EHBP1L1: variants seen among roughly 807,000 people sequenced by gnomAD.
EHBP1L1 encodes the protein EH domain binding protein 1 like 1.
EHBP1L1 carries 122 observed loss-of-function variants against 151.1 expected under a neutral mutation model. The ratio of observed to expected loss-of-function variants is 0.81; its 90% confidence interval spans 0.70 to 0.94. The LOEUF is 0.94. Among genes scored for constraint, EHBP1L1 ranks in the 40% least tolerant of loss-of-function variants. The pLI is 0.00. For synonymous variants in EHBP1L1, 878 were observed against 810.1 expected (o/e 1.08, Z -1.42); for missense variants, 1,941 against 1,959.8 (o/e 0.99, Z 0.18).
In EHBP1L1 at chr11:65,583,050, C is replaced by A; in HGVS notation, c.2378C>A (p.Thr793Lys). 2 of 1,612,804 alleles carry A rather than the reference C, an allele frequency of 1.2e-6. No individual in the cohort carries two copies. The highest frequency in any genetic ancestry group is 1.7e-6 in the Non-Finnish European group (2 of 1,179,506). The part of the protein sequence containing the change: ...DSGVPGLEAD[T>K]TGIQVKEVGG... The stretch of plus-strand genomic sequence containing the variant: ...GGGGTCCCAGGGTTAGAAGCTGATA[C>A]AACAGGGATCCAGGTGAAAGAGGTT... Residue 793 changes from threonine (T) to lysine (K), a missense_variant, in exon 9 of 19, where the codon ACA becomes AAA. Coordinates refer to ENST00000309295, the MANE Select transcript of EHBP1L1 (RefSeq NM_001099409.3).
At chr11:65,586,705 C>T (rs1261978696) in intron 12 of EHBP1L1, among the ~76,000 whole-genome samples, 1 of 152,168 alleles carries the variant, frequency 6.6e-6, no homozygotes, top group Non-Finnish European at 1.5e-5. Context: ...AAGCATTGAG[C>T]CTGTGAGTGA....
chr11:65,587,298 C>T (rs111956644), intron 12 of EHBP1L1, among the ~76,000 whole-genome samples: 3 of 151,470 alleles, frequency 2.0e-5, no homozygotes, highest in South Asian at 2.1e-4. Flanking sequence ...GTTTGAACCC[C>T]GGAGGCGGAG....
chr11:65,579,561 T>G, intron 3 of EHBP1L1, 125 bp downstream of exon 3: 13 of 584,686 alleles, frequency 2.2e-5, no homozygotes, highest in East Asian at 4.5e-5. Context: ...AGGCCAAGAA[T>G]TAGGGGGGCC....
intron 1 of EHBP1L1, 143 bp from the exon 2 acceptor site, chr11:65,578,935 C>T: frequency 1.2e-6 from 1 of 810,938 alleles, no homozygotes; most frequent in Non-Finnish European, 2.0e-6. Flanking sequence ...TAAGGGGCTG[C>T]CCAGGCCCTC....
At chr11:65,584,146 G>C in intron 9 of EHBP1L1, 95 bp from the exon 10 acceptor site, 2 of 1,530,082 alleles carry the variant, frequency 1.3e-6, no homozygotes, top group Non-Finnish European at 1.7e-6. Context: ...CAAGCTCAGA[G>C]ATGGGGCTGT....
At chr11:65,591,899 A>C (rs1194797012) in intron 17 of EHBP1L1, 26 bp downstream of exon 17, 3 of 1,604,614 alleles carry the variant, frequency 1.9e-6, no homozygotes, top group South Asian at 2.2e-5. Flanking sequence ...AGGGGCCGGG[A>C]GGCAAGACAG....
chr11:65,583,298 G>T lies in EHBP1L1; in HGVS notation c.2626G>T (p.Ala876Ser), dbSNP rs1449154975. ...TRKTEIIVPE[A>S]EKEEAQTSGV... Reference sequence around the variant, plus strand: ...TAAGACAGAAATTATAGTTCCAGAGGCTGAGAAGGAAGAGGCTCAGACTTC... The same window carrying T: ...TAAGACAGAAATTATAGTTCCAGAGTCTGAGAAGGAAGAGGCTCAGACTTC... The change falls in exon 9 of 19, where the codon GCT (alanine) becomes TCT (serine). Residue 876 changes from alanine to serine, a missense_variant. Physicochemically the swap from Ala to Ser is moderately conservative, Grantham distance 99. Transcript: ENST00000309295. The T allele has an allele frequency of 1.3e-5, 21 of 1,613,594 alleles. No homozygotes were observed. Among genetic ancestry groups the T allele is most frequent in the Non-Finnish European group, 1.8e-5 (21 of 1,179,834 alleles).
At chr11:65,581,002 T>G in intron 6 of EHBP1L1, 56 bp from the exon 7 acceptor site, 2 of 1,547,354 alleles carry the variant, frequency 1.3e-6, no homozygotes, top group Non-Finnish European at 1.7e-6. Flanking sequence ...GGGTCAGGCC[T>G]GTGGGGCCCT....
intron 1 of EHBP1L1, among the ~76,000 whole-genome samples, 169 bp from the exon 2 acceptor site, chr11:65,578,909 A>C (rs1857447008): frequency 6.6e-6 from 1 of 152,016 alleles, no homozygotes; most frequent in Non-Finnish European, 1.5e-5. Flanking sequence ...TCCACCCTGC[A>C]CCCTGTGGCC....
chr11:65,590,382 T>C, intron 15 of EHBP1L1, 111 bp from the exon 16 acceptor site: 1 of 1,501,586 alleles, frequency 6.7e-7, no homozygotes, highest in Non-Finnish European at 9.0e-7. Context: ...AGGCACACAG[T>C]TCTGGCTTCT....
At chr11:65,588,650 G>T (rs1028969154) in intron 12 of EHBP1L1, among the ~76,000 whole-genome samples, 6 of 152,212 alleles carry the variant, frequency 3.9e-5, no homozygotes, top group Non-Finnish European at 7.3e-5. Flanking sequence ...ACCCAGATGT[G>T]GGGGGCCAGG....
intron 3 of EHBP1L1, among the ~76,000 whole-genome samples, 193 bp downstream of exon 3, chr11:65,579,629 A>C (rs574265702): frequency 2.6e-4 from 39 of 152,066 alleles, no homozygotes; most frequent in African/African-American, 9.2e-4. Flanking sequence ...TACCCAACAC[A>C]TGCAGCATGA....
chr11:65,576,702 G>T (rs139142009), intron 1 of EHBP1L1, among the ~76,000 whole-genome samples: 186 of 152,284 alleles, frequency 1.2e-3, no homozygotes, highest in African/African-American at 4.4e-3. Flanking sequence ...GAGGGAGGCC[G>T]CATGTCTTGT....
chr11:65,582,460 G>A lies in EHBP1L1; in HGVS notation c.1788G>A (p.Glu596=), dbSNP rs762848410. 6.2e-7 allele frequency: 1 copy of A among 1,612,968 alleles called. No homozygotes were observed. Among genetic ancestry groups the A allele is most frequent in the Non-Finnish European group, 8.5e-7 (1 of 1,179,816 alleles). ...AAGTTGAGGGGTCAGGGTTCCCAGA[G>A]ACTAGGACACTAGAAATTGAGATAT... ...EKEVEGSGFP[E]TRTLEIEILG... is the part of the protein sequence containing the mutation. The change falls in exon 9 of 19, where the codon GAG becomes GAA. Residue 596 remains glutamate, a synonymous_variant. Transcript: ENST00000309295.
In EHBP1L1 at chr11:65,590,052, G is replaced by C. The variant is rs1281837048; in HGVS notation, c.4060-35G>C. On this transcript the variant is annotated intron_variant, in intron 14 of 18. Transcript: ENST00000309295. ...GCACCACCTATTCAGGGCCTGGGCT[G>C]AGTCCACCCTGTTCTCTGCCTTTTC... The C allele has an allele frequency of 1.9e-6, 3 of 1,613,282 alleles. No homozygotes were observed. The East Asian group carries it at 6.7e-5, about 36-fold the overall frequency.
Position 65,585,103 on chromosome 11 carries a change from G to A in EHBP1L1, c.3445G>A (p.Val1149Ile), listed in dbSNP as rs141196567. The change falls in exon 12 of 19, where the codon GTA (valine) becomes ATA (isoleucine). Residue 1149 changes from valine (V) to isoleucine (I), a missense_variant. Physicochemically the swap from Val to Ile is conservative, Grantham distance 29. Coordinates refer to ENST00000309295, the MANE Select transcript of EHBP1L1 (RefSeq NM_001099409.3). This position sits in a 1 kb window ranked among gnomAD's most constrained non-coding sequence, Gnocchi z 4.0. ...AFCTGQELQLVQLEGGGGAGT... is the reference protein window; with the variant it reads ...AFCTGQELQLIQLEGGGGAGT... ...CTGCACCGGGCAGGAGCTGCAGCTG[G>A]TACAACTGGAGGGCGGCGGCGGCGC... The A allele has an allele frequency of 6.6e-7, 1 of 1,524,566 alleles. No homozygotes were observed. The highest frequency in any genetic ancestry group is 8.7e-7 in the Non-Finnish European group (1 of 1,144,816). The allele number at this position is 1,524,566 out of a possible 1,614,324, so 94.4% of individuals were successfully genotyped here.
chr11:65,589,192 G>A (rs776268164), intron 12 of EHBP1L1, among the ~76,000 whole-genome samples: 25 of 152,192 alleles, frequency 1.6e-4, no homozygotes, highest in Non-Finnish European at 3.2e-4. Flanking sequence ...ATCACCTGAG[G>A]TCAGGAGTTC....
In EHBP1L1 at chr11:65,576,126, C is replaced by A; in HGVS notation, c.-177C>A. 2 of 412,780 alleles carry A rather than the reference C, an allele frequency of 4.8e-6. No individual in the cohort carries two copies. Among genetic ancestry groups the A allele is most frequent in the Non-Finnish European group, 8.1e-6 (2 of 248,020 alleles). 25.6% of individuals were successfully genotyped at this position (412,780 alleles called of 1,614,324 possible). A position where few individuals can be genotyped will look rare whatever the true frequency, so the allele number is the denominator to read the frequency against. On this transcript the variant is annotated 5_prime_UTR_variant, in exon 1 of 19. Transcript: ENST00000309295. ...GGCGACCCCGCAGACTCAGCCAGAC[C>A]ACCCTGCGGGCCCCAGCGGCGGCAG...
rs373597221 is a variant in EHBP1L1 at position 65,579,131 on chromosome 11, C to G, written c.158C>G (p.Ser53Cys). ...VWTRRNRRIC[S>C]KAHSWQPGIQ... ...ACCCGTCGGAACCGACGCATCTGCTCCAAGGTGGGGAAGGATGGCAACTGG... is the reference window on the plus strand; with the variant it reads ...ACCCGTCGGAACCGACGCATCTGCTGCAAGGTGGGGAAGGATGGCAACTGG... The change falls in exon 2 of 19, where the codon TCC (serine) becomes TGC (cysteine). Residue 53 changes from serine to cysteine, a missense_variant. By Grantham distance (112) the Ser-to-Cys change is moderately radical. Transcript: ENST00000309295. 2.4e-5 allele frequency: 39 copies of G among 1,593,512 alleles called. No homozygotes were observed. Among genetic ancestry groups the G allele is most frequent in the Non-Finnish European group, 3.2e-5 (37 of 1,170,196 alleles).
Sources: gnomAD v4.1 joint callset for allele counts (sites outside exome capture counted in the v4.1 genomes callset) on GRCh38, gnomAD v4.1.1 for gene constraint, Gnocchi (gnomAD v3.1) non-coding constraint, MANE v1.5 for transcripts, NCBI Gene and HGNC (gene_info 2026-07-23, HGNC 2026-07-21) for gene names.